The following HS3ST4 variants were observed in gnomAD, a reference collection of about 807,000 sequenced individuals.
HS3ST4 encodes the protein heparan sulfate glucosamine 3-O-sulfotransferase 4.
Under a neutral mutation model 29.2 loss-of-function variants are expected in HS3ST4, and 17 were observed. That is an observed-to-expected ratio of 0.58 (90% CI 0.40 to 0.87). The LOEUF is 0.87. Among genes scored for constraint, HS3ST4 ranks in the 40% least tolerant of loss-of-function variants. The pLI, the probability that HS3ST4 is intolerant of heterozygous loss-of-function variation, is 0.00. For synonymous variants in HS3ST4, 314 were observed against 285.7 expected (o/e 1.10, Z -1.00); for missense variants, 627 against 634.5 (o/e 0.99, Z 0.13).
chr16:26,031,955 A>T (rs1195469504), intron 1 of HS3ST4, among the ~76,000 whole-genome samples: 1 of 152,240 alleles, frequency 6.6e-6, no homozygotes, highest in Non-Finnish European at 1.5e-5. Context: ...ATGGTGTTTA[A>T]CAACTTTTCA....
At chr16:25,786,557 A>ACTCTTTAC (rs1334486316) in intron 1 of HS3ST4, among the ~76,000 whole-genome samples, 4 of 152,084 alleles carry the variant, frequency 2.6e-5, no homozygotes, top group South Asian at 2.1e-4. Flanking sequence ...AGAGGAGATA[A>ACTCTTTAC]CTCTTTACCC....
chr16:25,989,147 A>G (rs1350890230), intron 1 of HS3ST4, among the ~76,000 whole-genome samples: 1 of 152,226 alleles, frequency 6.6e-6, no homozygotes, highest in Admixed American at 6.5e-5. Flanking sequence ...ATCTGGCTTG[A>G]ACAGTGGGCC....
At chr16:26,104,061 C>A (rs552041159) in intron 1 of HS3ST4, among the ~76,000 whole-genome samples, 1 of 152,144 alleles carries the variant, frequency 6.6e-6, no homozygotes, top group Admixed American at 6.6e-5. Context: ...GTATTTAGAA[C>A]TCCCTAAAGG....
intron 1 of HS3ST4, among the ~76,000 whole-genome samples, chr16:25,890,248 A>T (rs991083693): frequency 6.6e-6 from 1 of 152,190 alleles, no homozygotes; most frequent in Non-Finnish European, 1.5e-5. Context: ...GCCTGTATTT[A>T]TACCTTTGTC....
intron 1 of HS3ST4, among the ~76,000 whole-genome samples, chr16:25,828,302 C>CTTTCTT (rs1967253725): frequency 2.6e-4 from 5 of 18,876 alleles, no homozygotes; most frequent in African/African-American, 1.0e-3. Context: ...CTTTCTTTCC[C>CTTTCTT]TCTCTCTCTC....
chr16:25,715,308 G>A (rs1966445817), intron 1 of HS3ST4, among the ~76,000 whole-genome samples: 2 of 131,920 alleles, frequency 1.5e-5, no homozygotes, highest in Non-Finnish European at 1.5e-5. Flanking sequence ...CGGCCTGGGC[G>A]ACAGAGCGAG....
At chr16:26,036,223 G>A (rs958926227) in intron 1 of HS3ST4, among the ~76,000 whole-genome samples, 5 of 152,242 alleles carry the variant, frequency 3.3e-5, no homozygotes, top group African/African-American at 1.2e-4. Flanking sequence ...ACACTGGCTG[G>A]TGAGGCCAAG....
At chr16:26,036,352 A>C (rs1969583278) in intron 1 of HS3ST4, among the ~76,000 whole-genome samples, 1 of 152,220 alleles carries the variant, frequency 6.6e-6, no homozygotes. Flanking sequence ...CTCCCTGCTC[A>C]AAAACCATCT....
At chr16:25,697,893 G>A (rs1966309342) in intron 1 of HS3ST4, among the ~76,000 whole-genome samples, 1 of 152,064 alleles carries the variant, frequency 6.6e-6, no homozygotes, top group Admixed American at 6.5e-5. Flanking sequence ...GGATGGTCTC[G>A]ATCGCTTGAC....
chr16:26,101,662 A>G (rs1246332046), intron 1 of HS3ST4, among the ~76,000 whole-genome samples: 1 of 152,216 alleles, frequency 6.6e-6, no homozygotes, highest in Non-Finnish European at 1.5e-5. Context: ...TCTGGGTATA[A>G]AAGTTCCTTA....
intron 1 of HS3ST4, among the ~76,000 whole-genome samples, chr16:26,039,027 G>A (rs376602361): frequency 6.6e-6 from 1 of 152,070 alleles, no homozygotes; most frequent in African/African-American, 2.4e-5. Context: ...TGATCTCGGT[G>A]ACATCAGAGA....
chr16:25,834,157 AC>A (rs1479776684), intron 1 of HS3ST4, among the ~76,000 whole-genome samples: 1 of 152,224 alleles, frequency 6.6e-6, no homozygotes, highest in Non-Finnish European at 1.5e-5. Context: ...TTATTTTATG[AC>A]CTACCACTTC....
chr16:25,771,040 G>A (rs917426309), intron 1 of HS3ST4, among the ~76,000 whole-genome samples: 97 of 151,924 alleles, frequency 6.4e-4, no homozygotes, highest in African/African-American at 2.3e-3. Flanking sequence ...TGTTACGTAG[G>A]TATACACGTG....
chr16:25,741,460 G>A (rs556940861), intron 1 of HS3ST4, among the ~76,000 whole-genome samples: 27 of 150,664 alleles, frequency 1.8e-4, no homozygotes, highest in African/African-American at 6.3e-4. Context: ...AGTACTTTGA[G>A]GGTCCTGCTT....
At chr16:25,820,670 A>G (rs1967144779) in intron 1 of HS3ST4, among the ~76,000 whole-genome samples, 1 of 152,112 alleles carries the variant, frequency 6.6e-6, no homozygotes, top group Non-Finnish European at 1.5e-5. Flanking sequence ...CTTGGCCTCA[A>G]GAGATCTTCC....
intron 1 of HS3ST4, among the ~76,000 whole-genome samples, chr16:25,995,590 G>T (rs1006042468): frequency 6.6e-6 from 1 of 152,156 alleles, no homozygotes; most frequent in African/African-American, 2.4e-5. Context: ...AACAGTGATT[G>T]GTTGTGTCTC....
intron 1 of HS3ST4, among the ~76,000 whole-genome samples, chr16:26,054,858 C>G (rs1306807147): frequency 6.6e-6 from 1 of 152,002 alleles, no homozygotes; most frequent in African/African-American, 2.4e-5. Flanking sequence ...ATGTTTCTGA[C>G]TGCTCTTTAC....
intron 1 of HS3ST4, among the ~76,000 whole-genome samples, chr16:25,698,103 A>G (rs541143257): frequency 1.3e-4 from 19 of 151,808 alleles, no homozygotes; most frequent in African/African-American, 4.4e-4. Context: ...TTATTTGAAA[A>G]AATTTTTTTA....
chr16:25,987,858 C>T (rs1969078858), intron 1 of HS3ST4, among the ~76,000 whole-genome samples: 1 of 152,114 alleles, frequency 6.6e-6, no homozygotes, highest in Non-Finnish European at 1.5e-5. Context: ...GCAACTTCTG[C>T]CTCCTGGGTT....
Sources: gnomAD v4.1 joint callset for allele counts (sites outside exome capture counted in the v4.1 genomes callset) on GRCh38, gnomAD v4.1.1 for gene constraint, MANE v1.5 for transcripts, NCBI Gene and HGNC (gene_info 2026-07-23, HGNC 2026-07-21) for gene names.